PCDHA5: variants seen among roughly 807,000 people sequenced by gnomAD.
The protein encoded by PCDHA5 is protocadherin alpha-5.
PCDHA5 carries 43 observed loss-of-function variants against 61.6 expected under a neutral mutation model. The observed-to-expected ratio is 0.70, with a 90% CI of 0.55 to 0.90. PCDHA5 has a LOEUF of 0.90. Ranked by LOEUF, PCDHA5 falls within the 40% of genes least tolerant of loss-of-function variation. The probability of loss-of-function intolerance (pLI) is 0.00; values close to 1 mark genes in which losing one functional copy is unlikely to be tolerated. For synonymous variants in PCDHA5, 627 were observed against 543.9 expected (o/e 1.15, Z -2.13); for missense variants, 1,298 against 1,222.7 (o/e 1.06, Z -0.92).
At chr5:140,870,614 C>G in intron 1 of PCDHA5, 2 of 1,613,212 alleles carry the variant, frequency 1.2e-6, no homozygotes, top group South Asian at 2.2e-5. Flanking sequence ...CGCGCGCTGT[C>G]GAGCTACGTG....
intron 1 of PCDHA5, among the ~76,000 whole-genome samples, chr5:140,893,338 T>A (rs1409461265): frequency 1.3e-5 from 2 of 152,174 alleles, no homozygotes; most frequent in Non-Finnish European, 2.9e-5. Flanking sequence ...TTTTCCTTAG[T>A]GGCAGTGCTA....
intron 1 of PCDHA5, among the ~76,000 whole-genome samples, chr5:140,846,226 T>G (rs2150386125): frequency 1.3e-5 from 2 of 149,694 alleles, no homozygotes; most frequent in African/African-American, 4.9e-5. Context: ...ATAGTATTTT[T>G]CTTAAAAAGA....
chr5:140,875,478 G>T, intron 1 of PCDHA5: 4 of 1,610,404 alleles, frequency 2.5e-6, no homozygotes, highest in Non-Finnish European at 3.4e-6. Flanking sequence ...CTGCAATGGT[G>T]ATTATCGGAC....
chr5:141,010,272 T>C lies in PCDHA5; in HGVS notation c.*335T>C. On this transcript the variant is annotated 3_prime_UTR_variant, in exon 4 of 4. Coordinates refer to ENST00000529859, the MANE Select transcript of PCDHA5 (RefSeq NM_018908.3). ...TCTCTGCCCTGTGCTCCGGGGATCC[T>C]GTCTTGATGACACTTGCAGGGCAGG... The C allele has an allele frequency of 6.4e-7, 1 of 1,551,508 alleles. No homozygotes were observed. Among genetic ancestry groups the C allele is most frequent in the Non-Finnish European group, 8.7e-7 (1 of 1,146,940 alleles).
chr5:140,843,886 T>A, intron 1 of PCDHA5: 1 of 704,592 alleles, frequency 1.4e-6, no homozygotes, highest in Non-Finnish European at 2.3e-6. Context: ...CATAATACAG[T>A]ATTAATCATT....
Position 140,822,110 on chromosome 5 carries a change from C to G in PCDHA5, c.335C>G (p.Pro112Arg). Residue 112 changes from proline (P) to arginine (R), a missense_variant, in exon 1 of 4, where the codon CCG becomes CGG. Physicochemically the swap from Pro to Arg is moderately radical, Grantham distance 103. Coordinates refer to ENST00000529859, the MANE Select transcript of PCDHA5 (RefSeq NM_018908.3). ...SIHLEVIVDR[P>R]LQVFHVEVAV... is the part of the protein sequence containing the mutation. Reference sequence around the variant, plus strand: ...CACCTGGAGGTGATCGTGGACAGGCCGCTGCAGGTTTTCCATGTGGAGGTG... The same window carrying G: ...CACCTGGAGGTGATCGTGGACAGGCGGCTGCAGGTTTTCCATGTGGAGGTG... The G allele has an allele frequency of 6.2e-7, 1 of 1,614,208 alleles. No individual in the cohort carries two copies. The highest frequency in any genetic ancestry group is 8.5e-7 in the Non-Finnish European group (1 of 1,180,052).
At chr5:140,865,298 C>T (rs1213333279) in intron 1 of PCDHA5, 2 of 152,028 alleles carry the variant, frequency 1.3e-5, no homozygotes, top group Non-Finnish European at 2.9e-5. Flanking sequence ...CTTTTTGGCT[C>T]TAATTACAAA....
At chr5:140,936,833 A>G (rs186890408) in intron 1 of PCDHA5, among the ~76,000 whole-genome samples, 1 of 152,276 alleles carries the variant, frequency 6.6e-6, no homozygotes, top group East Asian at 1.9e-4. Context: ...GCATTTCTAT[A>G]TAAATTGTAG....
Position 140,822,831 on chromosome 5 carries a change from C to A in PCDHA5, c.1056C>A (p.Thr352=). 1 of 1,614,158 alleles carries A rather than the reference C, an allele frequency of 6.2e-7. No individual in the cohort carries two copies. Among genetic ancestry groups the A allele is most frequent in the Non-Finnish European group, 8.5e-7 (1 of 1,180,030 alleles). The change falls in exon 1 of 4, where the codon ACC becomes ACA. Residue 352 remains threonine (T), a synonymous_variant. Coordinates refer to ENST00000529859, the MANE Select transcript of PCDHA5 (RefSeq NM_018908.3). ...ATAATACCCCAGAGATGGCCATAAC[C>A]ACCCTTTTCCTGCCTGTCAAAGAGG... The part of the protein sequence containing the change: ...VNDNTPEMAI[T]TLFLPVKEDA...
At chr5:141,006,978 T>C (rs2098297277) in intron 3 of PCDHA5, among the ~76,000 whole-genome samples, 1 of 152,090 alleles carries the variant, frequency 6.6e-6, no homozygotes, top group African/African-American at 2.4e-5. Context: ...CACAGAGAGA[T>C]GTGGGCTTAA....
rs1554135637 is a variant in PCDHA5, at chr5:140,836,136, G to A, written c.2352+12009G>A. The A allele has an allele frequency of 1.2e-6, 2 of 1,613,670 alleles. No individual in the cohort carries two copies. The highest frequency in any genetic ancestry group is 1.7e-5 in the Admixed American group (1 of 59,996). ...AGTGAGAGAGCTTGTGCCGCGGTCT[G>A]TGGGCGCGGGCCATGTGGTGGCGAA... On this transcript the variant is annotated intron_variant, in intron 1 of 3. Transcript: ENST00000529859.
intron 1 of PCDHA5, chr5:140,883,099 A>C: frequency 6.2e-7 from 1 of 1,614,150 alleles, no homozygotes. Flanking sequence ...ATGGAGATAT[A>C]GTTTACTCAT....
chr5:140,979,972 C>T (rs1393315984), intron 2 of PCDHA5, among the ~76,000 whole-genome samples: 1 of 152,176 alleles, frequency 6.6e-6, no homozygotes, highest in East Asian at 1.9e-4. Context: ...CATTAAAATG[C>T]ATTAGATTGA....
intron 1 of PCDHA5, chr5:140,870,541 G>A: frequency 1.2e-6 from 2 of 1,614,136 alleles, no homozygotes; most frequent in Non-Finnish European, 8.5e-7. Flanking sequence ...GTCGGCGCGG[G>A]ACGCGGACGC....
intron 1 of PCDHA5, chr5:140,929,034 C>T (rs561529051): frequency 2.5e-6 from 4 of 1,614,158 alleles, no homozygotes; most frequent in East Asian, 4.5e-5. Flanking sequence ...CAGGCTGTTG[C>T]GCTCAGAGCT....
At chr5:140,829,989 C>T (rs2150179119) in intron 1 of PCDHA5, 11 of 1,613,848 alleles carry the variant, frequency 6.8e-6, no homozygotes, top group Non-Finnish European at 9.3e-6. Context: ...GAGATCAGCA[C>T]CACTCGTGTC....
chr5:140,999,027 T>A (rs2097843534), intron 3 of PCDHA5, among the ~76,000 whole-genome samples: 1 of 152,262 alleles, frequency 6.6e-6, no homozygotes, highest in Admixed American at 6.5e-5. Flanking sequence ...AGACTTTTGA[T>A]ACTTCGTCCA....
At chr5:140,998,769 G>A (rs1210690974) in intron 3 of PCDHA5, among the ~76,000 whole-genome samples, 1 of 152,054 alleles carries the variant, frequency 6.6e-6, no homozygotes, top group Non-Finnish European at 1.5e-5. Flanking sequence ...TCACTATGTT[G>A]GTCAGGCTGG....
At chr5:140,925,124 A>AGGAAGG (rs1554202565) in intron 1 of PCDHA5, among the ~76,000 whole-genome samples, 1 of 151,852 alleles carries the variant, frequency 6.6e-6, no homozygotes, top group South Asian at 2.1e-4. Context: ...GAAGGAAGGA[A>AGGAAGG]AAAAAATTTC....
Sources: gnomAD v4.1 joint callset for allele counts (sites outside exome capture counted in the v4.1 genomes callset) on GRCh38, gnomAD v4.1.1 for gene constraint, MANE v1.5 for transcripts, NCBI Gene and HGNC (gene_info 2026-07-23, HGNC 2026-07-21) for gene names.